The following MLLT3 variants were observed in gnomAD, a reference collection of about 807,000 sequenced individuals.
The protein encoded by MLLT3 is protein AF-9.
Under a neutral mutation model 53.2 loss-of-function variants are expected in MLLT3, and 4 were observed. The observed-to-expected ratio is 0.08, with a 90% CI of 0.04 to 0.17. MLLT3 has a LOEUF of 0.17. MLLT3 is among the 10% of genes least tolerant of loss of function. MLLT3 has a pLI of 1.00. For synonymous variants in MLLT3, 283 were observed against 230.6 expected (o/e 1.23, Z -2.06); for missense variants, 569 against 684.0 (o/e 0.83, Z 1.87).
chr9:20,621,712 G>T lies in MLLT3; in HGVS notation c.12+533C>A. 2.0e-6 allele frequency: 3 copies of T among 1,465,972 alleles called. No individual in the cohort carries two copies. The highest frequency in any genetic ancestry group is 2.9e-5 in the East Asian group (1 of 34,650). The allele number at this position is 1,465,972 out of a possible 1,614,324, so 90.8% of individuals were successfully genotyped here. ...CCGGCGCTGGGGCAAAGTTGCGTGC[G>T]GCCCCGCCGCTGTCAGCCCCGCACA... On this transcript the variant is annotated intron_variant, in intron 1 of 10. Coordinates refer to ENST00000380338, the MANE Select transcript of MLLT3 (RefSeq NM_004529.4). This position sits in a 1 kb window ranked among gnomAD's most constrained non-coding sequence, Gnocchi z 7.0.
chr9:20,593,015 A>G (rs1820166890), intron 2 of MLLT3, among the ~76,000 whole-genome samples: 1 of 152,228 alleles, frequency 6.6e-6, no homozygotes, highest in South Asian at 2.1e-4. Flanking sequence ...AAAGCTGTTA[A>G]GTATTATTAT....
intron 2 of MLLT3, among the ~76,000 whole-genome samples, chr9:20,511,116 C>T (rs2118960942): frequency 6.6e-6 from 1 of 151,928 alleles, no homozygotes; most frequent in East Asian, 1.9e-4. Flanking sequence ...AAATTTAAAA[C>T]AAATTAAAAC....
chr9:20,407,336 T>C (rs996104869), intron 5 of MLLT3, among the ~76,000 whole-genome samples: 1 of 152,160 alleles, frequency 6.6e-6, no homozygotes, highest in Non-Finnish European at 1.5e-5. Context: ...TAAGGTGCAA[T>C]CTAGACCCAA....
At chr9:20,543,349 ACAGACATG>A (rs1220654548) in intron 2 of MLLT3, among the ~76,000 whole-genome samples, 1 of 152,238 alleles carries the variant, frequency 6.6e-6, no homozygotes, top group Non-Finnish European at 1.5e-5. Context: ...ATTTAAAGTG[ACAGACATG>A]CAGCTCTTCC....
chr9:20,445,252 A>G (rs1823665214), intron 4 of MLLT3, among the ~76,000 whole-genome samples: 4 of 152,178 alleles, frequency 2.6e-5, no homozygotes, highest in African/African-American at 9.7e-5. Context: ...TTGAATCTAA[A>G]TGTGCCCTGC....
At chr9:20,606,166 C>T (rs1820560527) in intron 2 of MLLT3, among the ~76,000 whole-genome samples, 2 of 152,236 alleles carry the variant, frequency 1.3e-5, no homozygotes, top group South Asian at 4.1e-4. Context: ...ATATAATACA[C>T]TTAGTGGGTC....
At chr9:20,542,186 C>T (rs372325949) in intron 2 of MLLT3, among the ~76,000 whole-genome samples, 10 of 151,424 alleles carry the variant, frequency 6.6e-5, no homozygotes, top group African/African-American at 2.4e-4. Context: ...TCTCCTCATA[C>T]ATTCCCATCA....
chr9:20,577,351 A>C (rs1819680296), intron 2 of MLLT3, among the ~76,000 whole-genome samples: 1 of 152,202 alleles, frequency 6.6e-6, no homozygotes, highest in South Asian at 2.1e-4. Context: ...TTCAAAACAC[A>C]ACATAATAAA....
intron 2 of MLLT3, among the ~76,000 whole-genome samples, chr9:20,466,303 AT>A (rs1350623893): frequency 6.6e-6 from 1 of 152,186 alleles, no homozygotes. Context: ...TTTTTGAGCC[AT>A]TTTGGATTTC....
intron 5 of MLLT3, among the ~76,000 whole-genome samples, chr9:20,392,036 G>C (rs536631599): frequency 1.0e-3 from 156 of 152,258 alleles, no homozygotes; most frequent in African/African-American, 3.5e-3. Flanking sequence ...CTTGCCACAA[G>C]AATCAGCTCA....
chr9:20,579,973 G>C (rs548113526), intron 2 of MLLT3, among the ~76,000 whole-genome samples: 61 of 152,286 alleles, frequency 4.0e-4, no homozygotes, highest in East Asian at 1.7e-3. Flanking sequence ...CACCAGACTC[G>C]TGTGAGGTAA....
intron 7 of MLLT3, 27 bp from the exon 8 acceptor site, chr9:20,360,868 C>A (rs1194800901): frequency 1.3e-6 from 2 of 1,568,646 alleles, no homozygotes; most frequent in Non-Finnish European, 1.8e-6. Context: ...AAGTTATGCA[C>A]ATCATTACAA....
chr9:20,447,952 C>T (rs992320590), intron 4 of MLLT3, among the ~76,000 whole-genome samples, 171 bp downstream of exon 4: 1 of 152,038 alleles, frequency 6.6e-6, no homozygotes, highest in South Asian at 2.1e-4. Flanking sequence ...TTATTGTCTA[C>T]CTGTTCATCT....
intron 2 of MLLT3, among the ~76,000 whole-genome samples, chr9:20,546,715 A>C (rs1181550814): frequency 6.6e-6 from 1 of 152,334 alleles, no homozygotes; most frequent in African/African-American, 2.4e-5. Context: ...CCGGAGATCC[A>C]TTCCTTAACT....
intron 2 of MLLT3, among the ~76,000 whole-genome samples, chr9:20,471,192 TGTGC>T (rs1824382878): frequency 6.6e-6 from 1 of 152,094 alleles, no homozygotes; most frequent in Non-Finnish European, 1.5e-5. Flanking sequence ...TGTAGCACTT[TGTGC>T]TGGATGCTTA....
chr9:20,503,394 A>C (rs1162137494), intron 2 of MLLT3, among the ~76,000 whole-genome samples: 3 of 152,210 alleles, frequency 2.0e-5, no homozygotes, highest in Non-Finnish European at 4.4e-5. Flanking sequence ...AAATCTACAC[A>C]TATACAGTCA....
At chr9:20,368,428 G>C (rs57665314) in intron 5 of MLLT3, among the ~76,000 whole-genome samples, 2,266 of 152,282 alleles carry the variant, frequency 0.015, 64 homozygotes, top group African/African-American at 0.051. Context: ...TGAGCAGAGA[G>C]AGCTCTAATT....
intron 2 of MLLT3, among the ~76,000 whole-genome samples, chr9:20,481,097 A>T (rs537321227): frequency 1.3e-5 from 2 of 152,336 alleles, no homozygotes; most frequent in Admixed American, 1.3e-4. Flanking sequence ...GTTATTTATG[A>T]CAGGAACCTC....
rs371687632 is a variant in MLLT3, at chr9:20,531,079, C to CTT, written c.194-74295_194-74294dup. 2.3e-3 allele frequency among the ~76,000 whole-genome samples: 283 copies of CTT among 125,244 alleles called. 1 individual carries two copies. Among genetic ancestry groups the CTT allele is most frequent in the East Asian group, 0.016 (71 of 4,422 alleles). The allele number at this position is 125,244 out of a possible 152,430, so 82.2% of individuals were successfully genotyped here. On this transcript the variant is annotated intron_variant, in intron 2 of 10. Transcript: ENST00000380338. The stretch of plus-strand genomic sequence containing the variant: ...AAGAATAATCCAGTTTTGCTTTTAG[C>CTT]TTTTTTTTTTTTTTTTGATACATTG...
Sources: gnomAD v4.1 joint callset for allele counts (sites outside exome capture counted in the v4.1 genomes callset) on GRCh38, gnomAD v4.1.1 for gene constraint, Gnocchi (gnomAD v3.1) non-coding constraint, MANE v1.5 for transcripts, NCBI Gene and HGNC (gene_info 2026-07-23, HGNC 2026-07-21) for gene names.